The following ELP4 variants were observed in gnomAD, a reference collection of about 807,000 sequenced individuals.
The protein encoded by ELP4 is elongator complex protein 4.
Under a neutral mutation model 48.9 loss-of-function variants are expected in ELP4, and 51 were observed. The observed-to-expected ratio is 1.04, with a 90% CI of 0.83 to 1.32. The LOEUF is 1.32. Among genes scored for constraint, ELP4 ranks in the 40% most tolerant of loss-of-function variants. The probability of loss-of-function intolerance (pLI) is 0.00; values close to 1 mark genes in which losing one functional copy is unlikely to be tolerated. For missense variants in ELP4, 519 were observed against 514.6 expected, an observed-to-expected ratio of 1.01 and a Z score of -0.08; for synonymous variants, 210 against 189.2, an observed-to-expected ratio of 1.11 and a Z score of -0.90.
At chr11:31,569,107 A>G (rs1233868390) in intron 3 of ELP4, among the ~76,000 whole-genome samples, 1 of 151,930 alleles carries the variant, frequency 6.6e-6, no homozygotes, top group African/African-American at 2.4e-5. Flanking sequence ...AAAAAAAAGG[A>G]AAGAAAAAAA....
At chr11:31,693,307 C>A (rs1021091926) in intron 9 of ELP4, among the ~76,000 whole-genome samples, 9 of 152,034 alleles carry the variant, frequency 5.9e-5, no homozygotes, top group Non-Finnish European at 1.0e-4. Flanking sequence ...AACCCTCCCC[C>A]CTTCCCCCAA....
intron 3 of ELP4, among the ~76,000 whole-genome samples, chr11:31,566,290 A>G (rs1425963792): frequency 6.6e-6 from 1 of 151,920 alleles, no homozygotes; most frequent in East Asian, 1.9e-4. Context: ...CCCGGGAGGC[A>G]GAGGTTGCAG....
chr11:31,573,824 G>A (rs1957224363), intron 3 of ELP4, among the ~76,000 whole-genome samples: 1 of 150,514 alleles, frequency 6.6e-6, no homozygotes, highest in Non-Finnish European at 1.5e-5. Context: ...CATCTCATTA[G>A]GGGATAGGAC....
intron 9 of ELP4, among the ~76,000 whole-genome samples, chr11:31,708,381 A>T (rs570383277): frequency 6.6e-6 from 1 of 152,302 alleles, no homozygotes; most frequent in East Asian, 1.9e-4. Context: ...AGCATCCAAG[A>T]CATAATTTTT....
In ELP4 at chr11:31,594,880, CCAGT is replaced by C; in HGVS notation, c.493_496del (p.Gln165TyrfsTer29). 1.3e-6 allele frequency: 2 copies of C among 1,559,138 alleles called. No homozygotes were observed. The highest frequency in any genetic ancestry group is 1.7e-6 in the Non-Finnish European group (2 of 1,161,392). On this transcript the variant is annotated frameshift_variant, in exon 4 of 10. Coordinates refer to ENST00000640961, the MANE Select transcript of ELP4 (RefSeq NM_019040.5). LOFTEE classifies it high-confidence loss of function. ...TTAAGATGAAAATAGCTTGGCGTTA[CCAGT>C]TATTACCCAAGATGGAGGCAAGTAA...
intron 9 of ELP4, among the ~76,000 whole-genome samples, chr11:31,769,430 T>C (rs1201596094): frequency 6.6e-6 from 1 of 152,186 alleles, no homozygotes. Flanking sequence ...AGCTGCCAAA[T>C]TTGAAAGTTA....
chr11:31,636,643 A>T (rs1180856952), intron 7 of ELP4, among the ~76,000 whole-genome samples: 1 of 151,952 alleles, frequency 6.6e-6, no homozygotes, highest in East Asian at 1.9e-4. Flanking sequence ...ATTTTAACTT[A>T]TTGTTATAAT....
chr11:31,625,412 TTCA>T (rs1324035747), intron 5 of ELP4, among the ~76,000 whole-genome samples: 1 of 151,818 alleles, frequency 6.6e-6, no homozygotes, highest in African/African-American at 2.4e-5. Flanking sequence ...AACATAAGTG[TTCA>T]TCAAGGGATG....
At chr11:31,781,084 T>C (rs541285894) in intron 9 of ELP4, among the ~76,000 whole-genome samples, 1 of 152,346 alleles carries the variant, frequency 6.6e-6, no homozygotes, top group Non-Finnish European at 1.5e-5. Flanking sequence ...CTTATTCATA[T>C]TACTGTATTG....
At chr11:31,652,576 A>T (rs530628304) in intron 9 of ELP4, 1 of 151,858 alleles carries the variant, frequency 6.6e-6, no homozygotes, top group South Asian at 2.1e-4. Context: ...TACTCACAAC[A>T]AATAAATGTT....
chr11:31,590,828 G>T (rs939306683), intron 3 of ELP4, among the ~76,000 whole-genome samples: 6 of 152,082 alleles, frequency 3.9e-5, no homozygotes, highest in Admixed American at 3.3e-4. Flanking sequence ...ATACCATGGG[G>T]TATGATGTTA....
At chr11:31,729,260 A>AGG (rs1259011689) in intron 9 of ELP4, among the ~76,000 whole-genome samples, 1 of 152,234 alleles carries the variant, frequency 6.6e-6, no homozygotes, top group Non-Finnish European at 1.5e-5. Flanking sequence ...ACTAAACCAT[A>AGG]ATAACAATCA....
chr11:31,776,091 C>T (rs897244336), intron 9 of ELP4, among the ~76,000 whole-genome samples: 3 of 141,630 alleles, frequency 2.1e-5, no homozygotes, highest in African/African-American at 7.9e-5. Context: ...GGGAAGGCTG[C>T]AGTGAGCTGT....
intron 9 of ELP4, among the ~76,000 whole-genome samples, chr11:31,777,899 C>A (rs988143660): frequency 1.4e-4 from 21 of 152,254 alleles, no homozygotes; most frequent in Admixed American, 6.5e-4. Flanking sequence ...TTAGCCTGTA[C>A]TCTAGTTCAT....
intron 5 of ELP4, 78 bp from the exon 6 acceptor site, chr11:31,627,027 ATTTAC>A: frequency 1.4e-6 from 1 of 738,022 alleles, no homozygotes; most frequent in Non-Finnish European, 2.4e-6. Flanking sequence ...CCTTTTAATT[ATTTAC>A]TTAATGTTTT....
intron 3 of ELP4, among the ~76,000 whole-genome samples, chr11:31,547,748 G>A (rs1157846531): frequency 1.3e-5 from 2 of 152,162 alleles, no homozygotes; most frequent in Non-Finnish European, 2.9e-5. Flanking sequence ...TAAAATACTG[G>A]CAAACCGAAT....
chr11:31,744,384 T>C (rs1166674032), intron 9 of ELP4, among the ~76,000 whole-genome samples: 1 of 152,166 alleles, frequency 6.6e-6, no homozygotes, highest in Non-Finnish European at 1.5e-5. Flanking sequence ...CCTCCCTAAC[T>C]CATTTTATGA....
intron 5 of ELP4, among the ~76,000 whole-genome samples, chr11:31,612,918 T>A (rs1382257311): frequency 6.6e-6 from 1 of 152,176 alleles, no homozygotes; most frequent in Non-Finnish European, 1.5e-5. Context: ...TTGAAAGTGA[T>A]ACTGGAAAAC....
chr11:31,688,486 C>A (rs899247068), intron 9 of ELP4, among the ~76,000 whole-genome samples: 8 of 152,190 alleles, frequency 5.3e-5, no homozygotes, highest in African/African-American at 1.2e-4. Flanking sequence ...TCTTTTTGAC[C>A]CCCACTAAGT....
Sources: allele counts gnomAD v4.1 joint callset (sites outside exome capture counted in the v4.1 genomes callset), GRCh38; gene constraint gnomAD v4.1.1; transcripts MANE v1.5; gene names NCBI Gene and HGNC (gene_info 2026-07-23, HGNC 2026-07-21).